The following PDGFC variants were observed in gnomAD, a reference collection of about 807,000 sequenced individuals.
PDGFC encodes the protein platelet derived growth factor C.
PDGFC carries 12 observed loss-of-function variants against 35.5 expected under a neutral mutation model. The ratio of observed to expected loss-of-function variants is 0.34; its 90% CI spans 0.22 to 0.55. The LOEUF is 0.55. Among genes scored for constraint, PDGFC ranks in the 20% least tolerant of loss-of-function variants. The pLI, the probability that PDGFC is intolerant of heterozygous loss-of-function variation, is 0.91. For missense variants in PDGFC, 322 were observed against 412.4 expected (o/e 0.78, Z 1.90); for synonymous variants, 159 against 148.8 (o/e 1.07, Z -0.50).
At chr4:156,850,821 C>T (rs546787921) in intron 1 of PDGFC, among the ~76,000 whole-genome samples, 2 of 109,224 alleles carry the variant, frequency 1.8e-5, no homozygotes, top group East Asian at 4.5e-4. Context: ...GATTTTAATT[C>T]TCTAACTTAA....
chr4:156,813,949 C>T (rs1732010021), intron 2 of PDGFC, among the ~76,000 whole-genome samples: 1 of 152,096 alleles, frequency 6.6e-6, no homozygotes, highest in Admixed American at 6.6e-5. Flanking sequence ...GCTTACTTTA[C>T]TGTCTTATCC....
At chr4:156,963,658 T>C (rs990890222) in intron 1 of PDGFC, among the ~76,000 whole-genome samples, 2 of 152,118 alleles carry the variant, frequency 1.3e-5, no homozygotes, top group African/African-American at 4.8e-5. Flanking sequence ...ACTCAGTCAC[T>C]AGGGGATGAT....
intron 1 of PDGFC, among the ~76,000 whole-genome samples, chr4:156,949,534 T>C (rs1483601739): frequency 6.6e-6 from 1 of 151,824 alleles, no homozygotes; most frequent in Non-Finnish European, 1.5e-5. Context: ...AAATTATTAA[T>C]GAAGGGTTAA....
chr4:156,931,993 T>C (rs892332366), intron 1 of PDGFC, among the ~76,000 whole-genome samples: 1 of 152,168 alleles, frequency 6.6e-6, no homozygotes, highest in African/African-American at 2.4e-5. Flanking sequence ...TTATAGTATA[T>C]GATTTGAGGT....
chr4:156,813,434 T>C (rs1731995531), intron 2 of PDGFC, among the ~76,000 whole-genome samples: 1 of 152,042 alleles, frequency 6.6e-6, no homozygotes, highest in African/African-American at 2.4e-5. Flanking sequence ...TACTGTGGAA[T>C]AGTAGAAGAA....
At chr4:156,791,916 C>T (rs999130317) in intron 3 of PDGFC, among the ~76,000 whole-genome samples, 1 of 152,154 alleles carries the variant, frequency 6.6e-6, no homozygotes, top group African/African-American at 2.4e-5. Context: ...GCCTGAAAAC[C>T]TAATCTCCAT....
intron 1 of PDGFC, among the ~76,000 whole-genome samples, chr4:156,867,965 C>T (rs950304500): frequency 2.0e-5 from 3 of 152,092 alleles, no homozygotes; most frequent in Non-Finnish European, 4.4e-5. Flanking sequence ...GCAACCTCCA[C>T]TTCTTGGGTT....
chr4:156,833,445 G>A (rs1194225062), intron 2 of PDGFC, among the ~76,000 whole-genome samples: 1 of 152,130 alleles, frequency 6.6e-6, no homozygotes, highest in African/African-American at 2.4e-5. Context: ...AATATTTGAG[G>A]AACATAAATG....
At chr4:156,767,475 A>G (rs932490626) in intron 5 of PDGFC, among the ~76,000 whole-genome samples, 2 of 151,408 alleles carry the variant, frequency 1.3e-5, no homozygotes, top group Non-Finnish European at 2.9e-5. Flanking sequence ...AAAAGTTGAA[A>G]AACTTTACTC....
At chr4:156,967,616 A>G (rs936268664) in intron 1 of PDGFC, 1 of 152,192 alleles carries the variant, frequency 6.6e-6, no homozygotes, top group Non-Finnish European at 1.5e-5. Context: ...CAACTTTGTC[A>G]TTGACATCTC....
chr4:156,818,475 G>T (rs1389934695), intron 2 of PDGFC, among the ~76,000 whole-genome samples: 1 of 149,606 alleles, frequency 6.7e-6, no homozygotes, highest in Non-Finnish European at 1.5e-5. Flanking sequence ...TGTCTAACTG[G>T]TGCAACATGC....
intron 3 of PDGFC, among the ~76,000 whole-genome samples, chr4:156,807,420 T>C (rs966008366): frequency 2.6e-5 from 4 of 151,972 alleles, no homozygotes; most frequent in Non-Finnish European, 5.9e-5. Context: ...AATCCCAATA[T>C]TGTAAAGGAA....
intron 3 of PDGFC, among the ~76,000 whole-genome samples, chr4:156,781,105 T>C (rs1730968966): frequency 6.6e-6 from 1 of 152,084 alleles, no homozygotes; most frequent in Non-Finnish European, 1.5e-5. Context: ...TACCAGAAAA[T>C]TCCTATTTCT....
At chr4:156,825,237 A>G (rs1299779842) in intron 2 of PDGFC, among the ~76,000 whole-genome samples, 1 of 152,040 alleles carries the variant, frequency 6.6e-6, no homozygotes, top group Non-Finnish European at 1.5e-5. Flanking sequence ...TGTCCACATC[A>G]AGGCATACTT....
chr4:156,951,581 A>G (rs1272622532), intron 1 of PDGFC, among the ~76,000 whole-genome samples: 1 of 151,828 alleles, frequency 6.6e-6, no homozygotes, highest in East Asian at 2.0e-4. Context: ...AATTTATCAA[A>G]CACAATTCAA....
At chr4:156,805,246 A>T (rs1156807665) in intron 3 of PDGFC, among the ~76,000 whole-genome samples, 1 of 152,052 alleles carries the variant, frequency 6.6e-6, no homozygotes, top group African/African-American at 2.4e-5. Flanking sequence ...GCATAAATAT[A>T]CAAGTATATT....
intron 1 of PDGFC, among the ~76,000 whole-genome samples, chr4:156,930,959 A>G (rs1731536896): frequency 6.6e-6 from 1 of 152,162 alleles, no homozygotes; most frequent in Admixed American, 6.5e-5. Context: ...GCTTTCCCTT[A>G]TCATCTTATT....
chr4:156,774,834 T>A (rs1490340465), intron 3 of PDGFC, among the ~76,000 whole-genome samples: 1 of 152,100 alleles, frequency 6.6e-6, no homozygotes, highest in African/African-American at 2.4e-5. Flanking sequence ...TTTTGTTTTT[T>A]AAATAAGTTT....
chr4:156,868,364 T>C (rs1412423932), intron 1 of PDGFC, among the ~76,000 whole-genome samples: 2 of 152,252 alleles, frequency 1.3e-5, no homozygotes, highest in South Asian at 2.1e-4. Context: ...CAAAGAAGAT[T>C]TTAGTGCTGG....
Sources: allele counts gnomAD v4.1 joint callset (sites outside exome capture counted in the v4.1 genomes callset), GRCh38; gene constraint gnomAD v4.1.1; transcripts MANE v1.5; gene names NCBI Gene and HGNC (gene_info 2026-07-23, HGNC 2026-07-21).